DOCK11: variants seen among roughly 807,000 people sequenced by gnomAD.
The protein encoded by DOCK11 is dedicator of cytokinesis 11.
In DOCK11, 70 loss-of-function variants were observed where a neutral mutation model predicts 169.1. That is an observed-to-expected ratio of 0.41 (90% CI 0.34 to 0.51). The LOEUF (loss-of-function observed/expected upper bound fraction) is 0.51, where lower values mean the gene tolerates loss of function less well. Among genes scored for constraint, DOCK11 ranks in the 20% least tolerant of loss-of-function variants. DOCK11 has a pLI of 0.10. For missense variants in DOCK11, 1,166 were observed against 1,538.8 expected, an observed-to-expected ratio of 0.76 and a Z score of 4.05; for synonymous variants, 529 against 541.3, an observed-to-expected ratio of 0.98 and a Z score of 0.32.
chrX:118,642,668 C>T (rs758703812), intron 39 of DOCK11, among the ~76,000 whole-genome samples: 1 of 111,170 alleles, frequency 9.0e-6, no homozygotes, highest in South Asian at 3.8e-4. Context: ...GCCACTATAC[C>T]ATGCCTTGAA....
intron 1 of DOCK11, among the ~76,000 whole-genome samples, chrX:118,522,900 G>T (rs1378769539): frequency 1.8e-5 from 2 of 111,869 alleles, no homozygotes; most frequent in East Asian, 5.6e-4. Context: ...CAGGAGGCAA[G>T]AATTCTAGGG....
chrX:118,581,895 G>A (rs2013655851), intron 14 of DOCK11, among the ~76,000 whole-genome samples: 1 of 107,798 alleles, frequency 9.3e-6, no homozygotes, highest in African/African-American at 3.4e-5. Flanking sequence ...AGTTTGGGAG[G>A]CTGAGGCGGG....
At chrX:118,587,442 C>A (rs936113834) in intron 16 of DOCK11, among the ~76,000 whole-genome samples, 1 of 111,626 alleles carries the variant, frequency 9.0e-6, no homozygotes, top group Admixed American at 9.5e-5. Flanking sequence ...GCAAATCCAA[C>A]AAAAAATACA....
intron 45 of DOCK11, among the ~76,000 whole-genome samples, chrX:118,669,616 C>T (rs750919775): frequency 8.9e-6 from 1 of 111,932 alleles, no homozygotes; most frequent in South Asian, 3.7e-4. Flanking sequence ...AAAGTCTCCA[C>T]CTCCTAATAC....
At chrX:118,600,377 A>G (rs1848053872) in intron 23 of DOCK11, among the ~76,000 whole-genome samples, 3 of 106,092 alleles carry the variant, frequency 2.8e-5, no homozygotes, top group South Asian at 8.8e-4. Flanking sequence ...AGCCTGGGTG[A>G]CAGCGAGATT....
rs1556262327 is a variant in DOCK11, at chrX:118,542,520, TTGTG to T, written c.103-183_103-180del. Among the ~76,000 whole-genome samples, 519 of 103,972 alleles carry T rather than the reference TTGTG, an allele frequency of 5.0e-3. 2 individuals carry two copies. Among genetic ancestry groups the T allele is most frequent in the African/African-American group, 8.7e-3 (248 of 28,630 alleles). The allele number at this position is 103,972 out of a possible 115,157, so 90.3% of individuals were successfully genotyped here. A position where few individuals can be genotyped will look rare whatever the true frequency, so the allele number is the denominator to read the frequency against. On this transcript the variant is annotated intron_variant, in intron 1 of 52. Coordinates refer to ENST00000276202, the MANE Select transcript of DOCK11 (RefSeq NM_144658.4). The stretch of plus-strand genomic sequence containing the variant: ...AATGTCTGTGTGTGTGTGTGTGTGT[TTGTG>T]TGTGTGTGTGTGTGTGTGTGTATGT...
At chrX:118,633,927 A>G in intron 35 of DOCK11, 1 of 112,813 alleles carries the variant, frequency 8.9e-6, no homozygotes, top group Non-Finnish European at 1.9e-5. Flanking sequence ...GCAATAAAGA[A>G]AAGATTTTGT....
intron 1 of DOCK11, among the ~76,000 whole-genome samples, chrX:118,514,907 A>C (rs189604112): frequency 2.1e-4 from 24 of 112,054 alleles, no homozygotes; most frequent in African/African-American, 7.8e-4. Context: ...GCTGTAACAA[A>C]TTACCACAAA....
chrX:118,499,552 G>A (rs1365296809), intron 1 of DOCK11, among the ~76,000 whole-genome samples: 1 of 111,854 alleles, frequency 8.9e-6, no homozygotes, highest in Non-Finnish European at 1.9e-5. Context: ...ACCTTTGCAT[G>A]GAATGTTTGT....
intron 44 of DOCK11, among the ~76,000 whole-genome samples, chrX:118,661,124 G>C: frequency 9.3e-6 from 1 of 107,805 alleles, no homozygotes; most frequent in Non-Finnish European, 1.9e-5. Context: ...CAGAAGGATG[G>C]CTTGAGTCCA....
At chrX:118,510,587 T>G (rs773945738) in intron 1 of DOCK11, among the ~76,000 whole-genome samples, 1 of 110,125 alleles carries the variant, frequency 9.1e-6, no homozygotes, top group African/African-American at 3.3e-5. Context: ...GAGGTAGGGG[T>G]GTGTGTGGGT....
intron 50 of DOCK11, among the ~76,000 whole-genome samples, chrX:118,681,452 C>T (rs932226625): frequency 1.8e-5 from 2 of 112,533 alleles, no homozygotes; most frequent in African/African-American, 6.5e-5. Flanking sequence ...TAACATAAGT[C>T]CGATGACTGT....
At chrX:118,531,614 A>G (rs1252369295) in intron 1 of DOCK11, among the ~76,000 whole-genome samples, 2 of 106,960 alleles carry the variant, frequency 1.9e-5, no homozygotes, top group South Asian at 4.1e-4. Flanking sequence ...CTGGAGTGCA[A>G]TGGTGCCATC....
chrX:118,651,894 A>G, intron 41 of DOCK11, 70 bp from the exon 42 acceptor site: 1 of 749,546 alleles, frequency 1.3e-6, no homozygotes, highest in South Asian at 2.5e-5. Flanking sequence ...TTATATACTT[A>G]TAAAATGATG....
chrX:118,656,251 A>C lies in DOCK11; in HGVS notation c.4969+1290A>C, dbSNP rs1421239309. Among the ~76,000 whole-genome samples the C allele has an allele frequency of 5.5e-5, 6 of 109,751 alleles. No homozygotes were observed. The Admixed American group carries it at 5.9e-4, about 11-fold the overall frequency. ...ACTTCAACCTGGGTGACAGGACAAG[A>C]CCCTGTCTCAAAAAATAATAAATAA... On this transcript the variant is annotated intron_variant, in intron 44 of 52. Transcript: ENST00000276202.
chrX:118,607,148 C>T (rs1265785305), intron 24 of DOCK11, among the ~76,000 whole-genome samples: 52 of 76,676 alleles, frequency 6.8e-4, no homozygotes, highest in African/African-American at 2.3e-3. Context: ...TGGAGTCTAG[C>T]TCTGTTGCCC....
At chrX:118,610,662 T>G in intron 28 of DOCK11, among the ~76,000 whole-genome samples, 1 of 111,761 alleles carries the variant, frequency 8.9e-6, no homozygotes, top group East Asian at 2.8e-4. Context: ...TGTTGGATCG[T>G]ATGGTAGCTC....
intron 31 of DOCK11, among the ~76,000 whole-genome samples, chrX:118,620,086 G>A (rs1416394153): frequency 2.7e-5 from 3 of 110,831 alleles, no homozygotes; most frequent in Non-Finnish European, 5.7e-5. Context: ...AAAGTGCTGG[G>A]ATTACAGGCG....
intron 18 of DOCK11, among the ~76,000 whole-genome samples, chrX:118,589,464 T>A (rs747284995): frequency 9.0e-6 from 1 of 111,712 alleles, no homozygotes; most frequent in African/African-American, 3.2e-5. Context: ...ATTTCTTAGC[T>A]GGCCTGGATT....
Sources: allele counts gnomAD v4.1 joint callset (sites outside exome capture counted in the v4.1 genomes callset), GRCh38; gene constraint gnomAD v4.1.1; transcripts MANE v1.5; gene names NCBI Gene and HGNC (gene_info 2026-07-23, HGNC 2026-07-21).